Variants in KIF26B observed in about 807,000 individuals in gnomAD.
The protein encoded by KIF26B is kinesin family member 26B, also known as kinesin-like protein KIF26B.
KIF26B carries 63 observed loss-of-function variants against 151.2 expected under a neutral mutation model. That is an observed-to-expected ratio of 0.42 (90% CI 0.34 to 0.51). The LOEUF (loss-of-function observed/expected upper bound fraction) is 0.51. Ranked by LOEUF, KIF26B falls within the 20% of genes least tolerant of loss-of-function variation. The probability of loss-of-function intolerance (pLI) is 0.07; values close to 1 mark genes in which losing one functional copy is unlikely to be tolerated. For synonymous variants in KIF26B, 1,357 were observed against 1,262.1 expected (o/e 1.08, Z -1.59); for missense variants, 2,813 against 2,913.6 (o/e 0.97, Z 0.79).
At chr1:245,181,434 T>A (rs949440733) in intron 2 of KIF26B, among the ~76,000 whole-genome samples, 23 of 152,060 alleles carry the variant, frequency 1.5e-4, no homozygotes, top group African/African-American at 5.3e-4. Flanking sequence ...CCAATGCCTC[T>A]TGATCTCATT....
intron 10 of KIF26B, among the ~76,000 whole-genome samples, chr1:245,665,160 CATCTATAT>C (rs1372225780): frequency 6.6e-6 from 1 of 152,146 alleles, no homozygotes; most frequent in Admixed American, 6.5e-5. Flanking sequence ...GAGCTCTTGT[CATCTATAT>C]TTCAGGGTCC....
intron 10 of KIF26B, among the ~76,000 whole-genome samples, chr1:245,678,735 T>C (rs532260763): frequency 1.1e-4 from 17 of 152,066 alleles, no homozygotes; most frequent in South Asian, 4.2e-4. Flanking sequence ...TGGTGGTGCA[T>C]GCCTGTAGTT....
rs953186799 is a variant in KIF26B at position 245,689,106 on chromosome 1, G to A, written c.5824+299G>A. 2.6e-5 allele frequency among the ~76,000 whole-genome samples: 4 copies of A among 152,352 alleles called. No homozygotes were observed. In the South Asian group the frequency reaches 8.3e-4, roughly 32 times the overall value. On this transcript the variant is annotated intron_variant, in intron 12 of 14. Transcript: ENST00000407071. ...TACTGCGTGCCGTCATCAGGCTTAG[G>A]GCCGTGAATCCCTTGGCGCTCAGCA...
intron 2 of KIF26B, among the ~76,000 whole-genome samples, chr1:245,351,788 G>C (rs975574019): frequency 6.6e-6 from 1 of 152,166 alleles, no homozygotes. Context: ...AAGATGAGGA[G>C]CTATTTTCTG....
chr1:245,445,937 G>A (rs560669287), intron 4 of KIF26B, among the ~76,000 whole-genome samples: 15 of 152,276 alleles, frequency 9.9e-5, no homozygotes, highest in African/African-American at 3.4e-4. Flanking sequence ...GTTCATTTGA[G>A]TGGCATCATC....
chr1:245,241,506 C>T lies in KIF26B; in HGVS notation c.465+84823C>T, dbSNP rs1670210159. Among the ~76,000 whole-genome samples the T allele has an allele frequency of 6.6e-6, 1 of 152,166 alleles. No homozygotes were observed. Among genetic ancestry groups the T allele is most frequent in the Non-Finnish European group, 1.5e-5 (1 of 68,026 alleles). On this transcript the variant is annotated intron_variant, in intron 2 of 14. Coordinates refer to ENST00000407071, the MANE Select transcript of KIF26B (RefSeq NM_018012.4). This position sits in a 1 kb window ranked among gnomAD's most constrained non-coding sequence, Gnocchi z 5.0. ...CAGCAGCAGCAGAATCCCAGGACCCCCAAAGTGGGAGAAGGGCTCCCAGGT... is the reference window on the plus strand; with the variant it reads ...CAGCAGCAGCAGAATCCCAGGACCCTCAAAGTGGGAGAAGGGCTCCCAGGT...
At chr1:245,515,772 T>G (rs1660948652) in intron 4 of KIF26B, among the ~76,000 whole-genome samples, 2 of 152,166 alleles carry the variant, frequency 1.3e-5, no homozygotes, top group African/African-American at 2.4e-5. Flanking sequence ...GCAACAAAAC[T>G]TTTCATTGCA....
At chr1:245,409,530 G>A (rs978114915) in intron 3 of KIF26B, among the ~76,000 whole-genome samples, 1 of 152,200 alleles carries the variant, frequency 6.6e-6, no homozygotes, top group East Asian at 1.9e-4. Flanking sequence ...TGAAGGAAAG[G>A]CAGCCCTCCT....
rs1181154929 is a variant in KIF26B at position 245,443,407 on chromosome 1, A to G, written c.1166+23662A>G. On this transcript the variant is annotated intron_variant, in intron 4 of 14. Coordinates refer to ENST00000407071, the MANE Select transcript of KIF26B (RefSeq NM_018012.4). ...CTCTCTCACTGTTCACCTAGAGGAG[A>G]GGTCATCTCCCTCACTGTTCACCCT... Among the ~76,000 whole-genome samples the G allele has an allele frequency of 4.6e-5, 5 of 108,992 alleles. No individual in the cohort carries two copies. In the Admixed American group the frequency reaches 4.8e-4, roughly 10 times the overall value. 71.5% of individuals were successfully genotyped at this position (108,992 alleles called of 152,430 possible).
chr1:245,211,893 C>T (rs1669541622), intron 2 of KIF26B, among the ~76,000 whole-genome samples: 1 of 152,162 alleles, frequency 6.6e-6, no homozygotes, highest in Non-Finnish European at 1.5e-5. Context: ...GTATCAAATG[C>T]TTGTGATTTC....
chr1:245,238,735 G>A (rs957934866), intron 2 of KIF26B, among the ~76,000 whole-genome samples: 22 of 151,740 alleles, frequency 1.4e-4, no homozygotes, highest in East Asian at 5.8e-4. Flanking sequence ...AGTGGCAGGC[G>A]CCTGTAATCT....
intron 4 of KIF26B, among the ~76,000 whole-genome samples, chr1:245,451,586 T>TA (rs1491555118): frequency 1.4e-5 from 1 of 71,342 alleles, no homozygotes; most frequent in Non-Finnish European, 3.1e-5. Flanking sequence ...AAGATCTATC[T>TA]TTTTTTTTTT....
intron 2 of KIF26B, among the ~76,000 whole-genome samples, chr1:245,263,796 CAAG>C (rs1367709759): frequency 2.0e-5 from 3 of 152,172 alleles, no homozygotes; most frequent in Non-Finnish European, 4.4e-5. Context: ...TGCATTTTGA[CAAG>C]AAGAGAAACA....
chr1:245,466,180 T>G (rs1024439017), intron 4 of KIF26B, among the ~76,000 whole-genome samples: 1 of 69,360 alleles, frequency 1.4e-5, no homozygotes, highest in Non-Finnish European at 2.9e-5. Context: ...TTTAGATCGA[T>G]GGGAATGTTT....
chr1:245,630,414 G>A (rs998581414), intron 9 of KIF26B, among the ~76,000 whole-genome samples: 1 of 152,184 alleles, frequency 6.6e-6, no homozygotes, highest in Non-Finnish European at 1.5e-5. Context: ...AAAAAAGAAT[G>A]AGATCATGTC....
chr1:245,317,165 T>C (rs1222557647), intron 2 of KIF26B, among the ~76,000 whole-genome samples: 1 of 152,212 alleles, frequency 6.6e-6, no homozygotes, highest in Non-Finnish European at 1.5e-5. Flanking sequence ...TTCTCTATCA[T>C]TAAAAGATCT....
intron 5 of KIF26B, among the ~76,000 whole-genome samples, chr1:245,542,011 T>C (rs971246627): frequency 1.3e-5 from 2 of 152,108 alleles, no homozygotes; most frequent in Admixed American, 6.5e-5. Context: ...GTTGGGAAGG[T>C]ATTAACTTCA....
intron 2 of KIF26B, among the ~76,000 whole-genome samples, chr1:245,301,077 C>T (rs541064790): frequency 2.9e-4 from 44 of 152,294 alleles, no homozygotes; most frequent in African/African-American, 1.0e-3. Context: ...GTGATCCACC[C>T]GCCTCGGCCT....
chr1:245,510,946 A>C, intron 4 of KIF26B: 1 of 629,130 alleles, frequency 1.6e-6, no homozygotes, highest in Non-Finnish European at 2.9e-6. Context: ...TCAGACCCCC[A>C]TGGATTTTAG....
Sources: allele counts gnomAD v4.1 joint callset (sites outside exome capture counted in the v4.1 genomes callset), GRCh38; gene constraint gnomAD v4.1.1; non-coding constraint Gnocchi (gnomAD v3.1); transcripts MANE v1.5; gene names NCBI Gene and HGNC (gene_info 2026-07-23, HGNC 2026-07-21).